The following RFTN1 variants were observed in gnomAD, a reference collection of about 807,000 sequenced individuals.
RFTN1 encodes the protein raftlin.
A neutral mutation model predicts 46.5 loss-of-function variants in RFTN1; 26 were observed. The observed-to-expected ratio is 0.56, with a 90% CI of 0.41 to 0.78. The LOEUF (loss-of-function observed/expected upper bound fraction) is 0.78, where lower values mean the gene tolerates loss of function less well. Ranked by LOEUF, RFTN1 falls within the 30% of genes least tolerant of loss-of-function variation. The pLI, the probability that RFTN1 is intolerant of heterozygous loss-of-function variation, is 0.00. For synonymous variants in RFTN1, 261 were observed against 284.2 expected (o/e 0.92, Z 0.82); for missense variants, 693 against 718.7 (o/e 0.96, Z 0.41).
chr3:16,409,523 T>G (rs1481132410), intron 3 of RFTN1, 40 bp from the exon 4 acceptor site: 3 of 1,388,368 alleles, frequency 2.2e-6, no homozygotes, highest in Non-Finnish European at 3.1e-6. Context: ...CAGATTAATA[T>G]CTTGCATAAT....
rs78850876 is a variant in RFTN1 at position 16,423,167 on chromosome 3, C to CA, written c.332+10683dup. ...TGGGTGACAGAGCGAGACTCTGTCT[C>CA]AAAAAAAAAAAAAGTTAGACTCCCT... On this transcript the variant is annotated intron_variant, in intron 3 of 9. Transcript: ENST00000334133. Among the ~76,000 whole-genome samples the CA allele has an allele frequency of 2.0e-3, 268 of 136,048 alleles. 1 individual carries two copies. Among genetic ancestry groups the CA allele is most frequent in the African/African-American group, 4.6e-3 (172 of 37,300 alleles). 89.3% of individuals were successfully genotyped at this position (136,048 alleles called of 152,430 possible). A position where few individuals can be genotyped will look rare whatever the true frequency, so the allele number is the denominator to read the frequency against.
intron 1 of RFTN1, among the ~76,000 whole-genome samples, chr3:16,494,823 T>A (rs1222068520): frequency 6.6e-6 from 1 of 152,198 alleles, no homozygotes; most frequent in East Asian, 1.9e-4. Flanking sequence ...CTCTCTGGGG[T>A]ACCACTGCTG....
chr3:16,478,711 C>A (rs975439496), intron 2 of RFTN1, among the ~76,000 whole-genome samples: 1 of 152,196 alleles, frequency 6.6e-6, no homozygotes, highest in African/African-American at 2.4e-5. Flanking sequence ...CACTTCCAAG[C>A]TCATGCACAC....
chr3:16,344,411 C>G lies in RFTN1; in HGVS notation c.1146+13521G>C, dbSNP rs147087133. Among the ~76,000 whole-genome samples the G allele has an allele frequency of 6.6e-6, 1 of 151,850 alleles. No homozygotes were observed. The highest frequency in any genetic ancestry group is 2.1e-4 in the South Asian group (1 of 4,810). ...TAGAAACAACATGTAAAAACAGATACATTCAGAAAAGGCGGCTCTGGTTGA... is the reference window on the plus strand; with the variant it reads ...TAGAAACAACATGTAAAAACAGATAGATTCAGAAAAGGCGGCTCTGGTTGA... On this transcript the variant is annotated intron_variant, in intron 7 of 9. Transcript: ENST00000334133. This position sits in a 1 kb window ranked among gnomAD's most constrained non-coding sequence, Gnocchi z 4.4.
At chr3:16,388,329 G>T (rs1345038831) in intron 4 of RFTN1, among the ~76,000 whole-genome samples, 1 of 152,078 alleles carries the variant, frequency 6.6e-6, no homozygotes, top group Non-Finnish European at 1.5e-5. Flanking sequence ...AACTGTTCCT[G>T]GTACACAGTA....
chr3:16,396,438 A>G (rs548287090), intron 4 of RFTN1, among the ~76,000 whole-genome samples: 1 of 152,340 alleles, frequency 6.6e-6, no homozygotes, highest in Admixed American at 6.5e-5. Flanking sequence ...TTCTATCTAC[A>G]ATTCCACACT....
At chr3:16,492,810 C>T (rs1317067123) in intron 2 of RFTN1, among the ~76,000 whole-genome samples, 1 of 152,204 alleles carries the variant, frequency 6.6e-6, no homozygotes, top group African/African-American at 2.4e-5. Context: ...TCAGATAGAA[C>T]ACTCCAAGAT....
chr3:16,368,003 C>A (rs796481040), intron 6 of RFTN1, among the ~76,000 whole-genome samples: 1 of 135,432 alleles, frequency 7.4e-6, no homozygotes, highest in African/African-American at 2.8e-5. Context: ...CAACAACTAA[C>A]CATCAGTTTC....
At chr3:16,323,556 C>T (rs772494068) in intron 8 of RFTN1, 99 bp from the exon 9 acceptor site, 2 of 811,222 alleles carry the variant, frequency 2.5e-6, no homozygotes, top group Non-Finnish European at 4.1e-6. Context: ...AAGCAGACCA[C>T]CCACAGGATT....
At chr3:16,325,858 A>T (rs2069636192) in intron 8 of RFTN1, among the ~76,000 whole-genome samples, 1 of 152,040 alleles carries the variant, frequency 6.6e-6, no homozygotes, top group South Asian at 2.1e-4. Flanking sequence ...GCTGTCCATC[A>T]CTCTGCAGTG....
chr3:16,438,858 T>A (rs896591868), intron 2 of RFTN1, among the ~76,000 whole-genome samples: 1 of 152,148 alleles, frequency 6.6e-6, no homozygotes, highest in African/African-American at 2.4e-5. Context: ...GATGACAACA[T>A]GATGTGGGGC....
chr3:16,321,017 G>C lies in RFTN1; in HGVS notation c.1332+2359C>G, dbSNP rs1417453890. On this transcript the variant is annotated intron_variant, in intron 9 of 9. Transcript: ENST00000334133. This position sits in a 1 kb window ranked among gnomAD's most constrained non-coding sequence, Gnocchi z 4.8. ...GCGAGTGATGGTAGAGAGAAGTGGA[G>C]GGATTCCAGAGCCTCCGGGACCTAA... Among the ~76,000 whole-genome samples, 1 of 152,184 alleles carries C rather than the reference G, an allele frequency of 6.6e-6. No homozygotes were observed. Among genetic ancestry groups the C allele is most frequent in the Non-Finnish European group, 1.5e-5 (1 of 68,034 alleles).
intron 7 of RFTN1, 79 bp downstream of exon 7, chr3:16,357,853 C>T: frequency 1.1e-6 from 1 of 876,998 alleles, no homozygotes; most frequent in South Asian, 1.5e-5. Context: ...TGAGCCACAG[C>T]CCCACGGTCA....
At chr3:16,493,636 CAT>C in intron 2 of RFTN1, 87 bp downstream of exon 2, 3 of 1,206,454 alleles carry the variant, frequency 2.5e-6, no homozygotes, top group Non-Finnish European at 3.4e-6. Flanking sequence ...GCCCCCACCC[CAT>C]CCAGCTCTCC....
chr3:16,478,782 C>T (rs149866095), intron 2 of RFTN1, among the ~76,000 whole-genome samples: 1 of 152,334 alleles, frequency 6.6e-6, no homozygotes, highest in East Asian at 1.9e-4. Context: ...GGCCCCAATT[C>T]CTCACTGCCT....
rs1236812101 is a variant in RFTN1 at position 16,459,245 on chromosome 3, T to C, written c.146-25208A>G. 6.6e-6 allele frequency among the ~76,000 whole-genome samples: 1 copy of C among 152,188 alleles called. No individual in the cohort carries two copies. Among genetic ancestry groups the C allele is most frequent in the Non-Finnish European group, 1.5e-5 (1 of 68,036 alleles). ...TGTGCCTGGCCACTACTGTGTTTTC[T>C]GAAGGAAATTAGTTTTAACAGAACC... On this transcript the variant is annotated intron_variant, in intron 2 of 9. Coordinates refer to ENST00000334133, the MANE Select transcript of RFTN1 (RefSeq NM_015150.2). The surrounding 1 kb of genome is among the most constrained non-coding windows in gnomAD (Gnocchi z 4.2).
Position 16,506,605 on chromosome 3 carries a change from C to T in RFTN1, c.-9+6837G>A, listed in dbSNP as rs530512402. ...ACACCTCTAGGGTTGGTCACCAGCA[C>T]CTGCAAGGCTGGAGTGGCCATCTTC... On this transcript the variant is annotated intron_variant, in intron 1 of 9. Coordinates refer to ENST00000334133, the MANE Select transcript of RFTN1 (RefSeq NM_015150.2). This position sits in a 1 kb window ranked among gnomAD's most constrained non-coding sequence, Gnocchi z 4.8. Among the ~76,000 whole-genome samples the T allele has an allele frequency of 6.6e-6, 1 of 152,004 alleles. No individual in the cohort carries two copies. Among genetic ancestry groups the T allele is most frequent in the Admixed American group, 6.6e-5 (1 of 15,256 alleles).
At position 16,426,807 on chromosome 3, in the gene RFTN1, GTCC is replaced by G. The variant is rs1433120725; in HGVS notation, c.332+7041_332+7043del. On this transcript the variant is annotated intron_variant, in intron 3 of 9. Coordinates refer to ENST00000334133, the MANE Select transcript of RFTN1 (RefSeq NM_015150.2). The surrounding 1 kb of genome is among the most constrained non-coding windows in gnomAD (Gnocchi z 5.9). ...AGATCTATCTCATAATGAATTTATG[GTCC>G]TTTAGTAAAAGATTGTAGCAAAATT... 6.6e-6 allele frequency among the ~76,000 whole-genome samples: 1 copy of G among 151,974 alleles called. No homozygotes were observed. Among genetic ancestry groups the G allele is most frequent in the Non-Finnish European group, 1.5e-5 (1 of 68,008 alleles).
chr3:16,487,195 CA>C (rs1416556256), intron 2 of RFTN1, among the ~76,000 whole-genome samples: 1 of 152,232 alleles, frequency 6.6e-6, no homozygotes, highest in Non-Finnish European at 1.5e-5. Context: ...TAAGGCAACC[CA>C]GGAACACCTC....
Sources: allele counts gnomAD v4.1 joint callset (sites outside exome capture counted in the v4.1 genomes callset), GRCh38; gene constraint gnomAD v4.1.1; non-coding constraint Gnocchi (gnomAD v3.1); transcripts MANE v1.5; gene names NCBI Gene and HGNC (gene_info 2026-07-23, HGNC 2026-07-21).